The following STK3 variants were observed in gnomAD, a reference collection of about 807,000 sequenced individuals.
STK3 encodes serine/threonine kinase 3, also known as serine/threonine-protein kinase 3.
A neutral mutation model predicts 58.0 loss-of-function variants in STK3; 41 were observed. The observed-to-expected ratio is 0.71, with a 90% confidence interval of 0.55 to 0.92. The LOEUF is 0.92. STK3 is among the 40% of genes least tolerant of loss of function. The probability of loss-of-function intolerance (pLI) is 0.00; values close to 1 mark genes in which losing one functional copy is unlikely to be tolerated. For synonymous variants in STK3, 170 were observed against 191.0 expected (o/e 0.89, Z 0.91); for missense variants, 479 against 602.7 (o/e 0.79, Z 2.15).
At chr8:98,458,192 G>T (rs1315844252) in intron 10 of STK3, among the ~76,000 whole-genome samples, 1 of 151,814 alleles carries the variant, frequency 6.6e-6, no homozygotes, top group African/African-American at 2.4e-5. Context: ...TGACTTTTAG[G>T]ATTTTTTTCT....
chr8:98,719,820 G>A (rs901996788), intron 4 of STK3, among the ~76,000 whole-genome samples: 5 of 152,212 alleles, frequency 3.3e-5, no homozygotes, highest in Non-Finnish European at 5.9e-5. Flanking sequence ...AAGAATATCT[G>A]AGGGCATAAC....
intron 1 of STK3, among the ~76,000 whole-genome samples, chr8:98,926,605 G>A (rs532937994): frequency 3.0e-4 from 46 of 152,242 alleles, no homozygotes; most frequent in African/African-American, 1.0e-3. Flanking sequence ...CAGGGAAATG[G>A]GAAGAGGTTT....
intron 1 of STK3, among the ~76,000 whole-genome samples, chr8:98,932,721 G>A (rs1017493624): frequency 2.6e-5 from 4 of 152,180 alleles, no homozygotes; most frequent in African/African-American, 9.7e-5. Context: ...CAGCCCCCAG[G>A]TGAGGCCAAT....
downstream of STK3, among the ~76,000 whole-genome samples, chr8:98,398,199 G>A (rs144277462): frequency 1.2e-4 from 19 of 152,262 alleles, no homozygotes; most frequent in East Asian, 2.1e-3. Context: ...GGTTGGGGTG[G>A]ATGGGGAATC....
At chr8:98,484,801 A>G (rs1439483414) in intron 10 of STK3, among the ~76,000 whole-genome samples, 2 of 152,176 alleles carry the variant, frequency 1.3e-5, no homozygotes, top group East Asian at 3.8e-4. Context: ...AATAATATCT[A>G]TATGCATAAT....
intron 1 of STK3, among the ~76,000 whole-genome samples, chr8:98,776,244 T>C (rs1831669088): frequency 1.3e-5 from 2 of 152,156 alleles, no homozygotes; most frequent in Admixed American, 6.5e-5. Flanking sequence ...GTGGGAAAGA[T>C]TGGGTTCATT....
intron 3 of STK3, among the ~76,000 whole-genome samples, chr8:98,839,838 C>A (rs1225904220): frequency 1.3e-5 from 2 of 152,056 alleles, no homozygotes; most frequent in Non-Finnish European, 2.9e-5. Context: ...GCGAATAAAT[C>A]ATCATCCAAG....
At chr8:98,479,780 G>A (rs1821701869) in intron 10 of STK3, among the ~76,000 whole-genome samples, 2 of 152,028 alleles carry the variant, frequency 1.3e-5, no homozygotes, top group South Asian at 2.1e-4. Flanking sequence ...ACCTTGATAC[G>A]ACCCAGATAT....
chr8:98,436,454 C>T (rs1818493812), intron 2 of STK3, among the ~76,000 whole-genome samples: 2 of 152,206 alleles, frequency 1.3e-5, no homozygotes, highest in Admixed American at 6.5e-5. Flanking sequence ...TTCCTTCTGA[C>T]TTCTTCCTCA....
chr8:98,929,647 C>T (rs1473749831), intron 1 of STK3, among the ~76,000 whole-genome samples: 1 of 152,012 alleles, frequency 6.6e-6, no homozygotes, highest in Non-Finnish European at 1.5e-5. Flanking sequence ...CAGACCCTGT[C>T]ATAAATAAAT....
intron 4 of STK3, among the ~76,000 whole-genome samples, chr8:98,736,351 T>C (rs758433667): frequency 7.2e-5 from 11 of 152,138 alleles, no homozygotes; most frequent in Non-Finnish European, 1.6e-4. Context: ...GGCAAGGGCA[T>C]ACATATAATC....
chr8:98,421,105 C>T (rs530070471), intron 3 of STK3, among the ~76,000 whole-genome samples: 7 of 152,268 alleles, frequency 4.6e-5, no homozygotes, highest in South Asian at 2.1e-4. Context: ...ACTCCCTGAA[C>T]GCACCGGAGG....
chr8:98,685,804 G>GTC (rs1430822368), intron 6 of STK3, among the ~76,000 whole-genome samples: 2 of 151,822 alleles, frequency 1.3e-5, no homozygotes, highest in Non-Finnish European at 2.9e-5. Context: ...GGGGGGTGAG[G>GTC]GGAGAGTATT....
At chr8:98,856,994 C>T (rs780952553) in intron 3 of STK3, among the ~76,000 whole-genome samples, 8 of 151,970 alleles carry the variant, frequency 5.3e-5, no homozygotes, top group Non-Finnish European at 1.0e-4. Context: ...ATATAAAAGT[C>T]CGGAATAGAG....
intron 1 of STK3, among the ~76,000 whole-genome samples, chr8:98,783,767 T>C (rs995633445): frequency 6.6e-6 from 1 of 152,250 alleles, no homozygotes; most frequent in Non-Finnish European, 1.5e-5. Context: ...TGGAATATTC[T>C]AAATCCTTTT....
chr8:98,931,243 T>G (rs2132037625), intron 1 of STK3, among the ~76,000 whole-genome samples: 1 of 152,290 alleles, frequency 6.6e-6, no homozygotes, highest in East Asian at 1.9e-4. Context: ...GTCTGGAAAC[T>G]TCCCCTTAAT....
At chr8:98,891,456 A>G (rs1442278554) in intron 1 of STK3, among the ~76,000 whole-genome samples, 4 of 152,240 alleles carry the variant, frequency 2.6e-5, no homozygotes, top group South Asian at 4.1e-4. Flanking sequence ...ATGATAATTC[A>G]TGATTTCTAG....
chr8:98,463,069 C>A (rs1181128880), intron 10 of STK3: 1 of 151,346 alleles, frequency 6.6e-6, no homozygotes. Context: ...TTGTTTTGAA[C>A]AGAAAATCTT....
chr8:98,492,596 T>C (rs1219917388), intron 10 of STK3, among the ~76,000 whole-genome samples: 2 of 152,182 alleles, frequency 1.3e-5, no homozygotes, highest in Non-Finnish European at 2.9e-5. Flanking sequence ...AATAGTGTTT[T>C]GTATTTTTTT....
Sources: gnomAD v4.1 joint callset for allele counts (sites outside exome capture counted in the v4.1 genomes callset) on GRCh38, gnomAD v4.1.1 for gene constraint, MANE v1.5 for transcripts, NCBI Gene and HGNC (gene_info 2026-07-23, HGNC 2026-07-21) for gene names.